The following CACHD1 variants were observed in gnomAD, a reference collection of about 807,000 sequenced individuals.
CACHD1 encodes the protein cache domain containing 1, also known as VWFA and cache domain-containing protein 1.
Under a neutral mutation model 138.7 loss-of-function variants are expected in CACHD1, and 71 were observed. The ratio of observed to expected loss-of-function variants is 0.51; its 90% CI spans 0.42 to 0.62. The LOEUF (loss-of-function observed/expected upper bound fraction) is 0.62. Ranked by LOEUF, CACHD1 falls within the 20% of genes least tolerant of loss-of-function variation. The probability of loss-of-function intolerance (pLI) is 0.00; values close to 1 mark genes in which losing one functional copy is unlikely to be tolerated. For missense variants in CACHD1, 1,389 were observed against 1,625.3 expected, an observed-to-expected ratio of 0.85 and a Z score of 2.50; for synonymous variants, 578 against 591.5, an observed-to-expected ratio of 0.98 and a Z score of 0.33.
At chr1:64,489,813 G>A (rs1260217637) in intron 1 of CACHD1, among the ~76,000 whole-genome samples, 1 of 152,192 alleles carries the variant, frequency 6.6e-6, no homozygotes, top group Non-Finnish European at 1.5e-5. Context: ...AGAGTCCTGG[G>A]TGTGTGGGGA....
At chr1:64,689,918 A>ATTATCT (rs761759579) in intron 26 of CACHD1, among the ~76,000 whole-genome samples, 1 of 152,174 alleles carries the variant, frequency 6.6e-6, no homozygotes, top group Non-Finnish European at 1.5e-5. Flanking sequence ...AGCACTTACC[A>ATTATCT]TTATCTGTGT....
chr1:64,634,374 GTATGTATT>G lies in CACHD1; in HGVS notation c.1006+118_1006+125del, dbSNP rs112905341. The G allele has an allele frequency of 1.4e-4, 37 of 259,842 alleles. 6 individuals carry two copies. The highest frequency in any genetic ancestry group is 9.4e-4 in the South Asian group (9 of 9,524). The allele number at this position is 259,842 out of a possible 1,614,324, so 16.1% of individuals were successfully genotyped here. On this transcript the variant is annotated intron_variant, in intron 7 of 26. Coordinates refer to ENST00000651257, the MANE Select transcript of CACHD1 (RefSeq NM_020925.4). ...AGAGAGATTTTATTTATTTATTTAT[GTATGTATT>G]TATTTATTTATTTATTTACCTTGAG...
chr1:64,543,238 A>G (rs926266952), intron 1 of CACHD1, among the ~76,000 whole-genome samples: 11 of 151,578 alleles, frequency 7.3e-5, no homozygotes, highest in Admixed American at 4.6e-4. Flanking sequence ...ACCTGTATCC[A>G]AAATGAACAA....
chr1:64,665,999 C>T (rs1649619278), intron 15 of CACHD1, 58 bp from the exon 16 acceptor site: 2 of 1,017,764 alleles, frequency 2.0e-6, no homozygotes, highest in Non-Finnish European at 2.9e-6. Context: ...AGCAAGACTC[C>T]ATCTCAAAAA....
At chr1:64,550,710 G>C in intron 2 of CACHD1, 54 bp downstream of exon 2, 1 of 1,242,164 alleles carries the variant, frequency 8.1e-7, no homozygotes, top group Non-Finnish European at 1.2e-6. Context: ...TTTTAGATGT[G>C]GCTTCGTCAC....
chr1:64,553,850 T>C (rs1326583011), intron 2 of CACHD1, among the ~76,000 whole-genome samples: 1 of 152,224 alleles, frequency 6.6e-6, no homozygotes, highest in Non-Finnish European at 1.5e-5. Context: ...TTTATATAAA[T>C]TTTAAGCATA....
At chr1:64,540,323 GGGTGGAGGC>G (rs953211272) in intron 1 of CACHD1, among the ~76,000 whole-genome samples, 1 of 152,098 alleles carries the variant, frequency 6.6e-6, no homozygotes, top group Non-Finnish European at 1.5e-5. Context: ...TAGGGGGTAG[GGGTGGAGGC>G]GTTTGGTGTT....
intron 1 of CACHD1, among the ~76,000 whole-genome samples, chr1:64,536,137 A>G (rs891620285): frequency 6.6e-6 from 1 of 152,172 alleles, no homozygotes; most frequent in African/African-American, 2.4e-5. Context: ...ACATGATCTA[A>G]TTTTAGAACA....
intron 1 of CACHD1, among the ~76,000 whole-genome samples, chr1:64,480,768 A>T (rs1484201210): frequency 6.6e-6 from 1 of 152,154 alleles, no homozygotes; most frequent in Admixed American, 6.5e-5. Context: ...AAAGCCACAG[A>T]AGAAAATTCC....
intron 1 of CACHD1, among the ~76,000 whole-genome samples, chr1:64,475,750 A>G (rs1646171350): frequency 6.6e-6 from 1 of 151,932 alleles, no homozygotes; most frequent in Non-Finnish European, 1.5e-5. Context: ...GGGTTTCACC[A>G]TGTTAGCCAG....
chr1:64,668,326 C>CA (rs531925361), intron 16 of CACHD1, among the ~76,000 whole-genome samples: 1,647 of 87,458 alleles, frequency 0.019, 13 homozygotes, highest in Non-Finnish European at 0.026. Flanking sequence ...GACTGCATCT[C>CA]AAAAAAAAAA....
chr1:64,619,341 T>G (rs933547485), intron 4 of CACHD1, among the ~76,000 whole-genome samples: 4 of 152,228 alleles, frequency 2.6e-5, no homozygotes, highest in Non-Finnish European at 4.4e-5. Context: ...GTTTGTGTGC[T>G]GTGGCTGAAG....
At chr1:64,623,035 T>A (rs1380772396) in intron 4 of CACHD1, among the ~76,000 whole-genome samples, 2 of 152,172 alleles carry the variant, frequency 1.3e-5, no homozygotes, top group African/African-American at 4.8e-5. Flanking sequence ...GAAGGGAGTG[T>A]CTAGGTTTTA....
chr1:64,632,256 G>GAA (rs55924104), intron 5 of CACHD1, among the ~76,000 whole-genome samples: 7,158 of 129,204 alleles, frequency 0.055, 244 homozygotes, highest in Admixed American at 0.12. Flanking sequence ...GCTTTTTTCT[G>GAA]AAAAAAAAAA....
chr1:64,507,516 C>T (rs1267481179), intron 1 of CACHD1, among the ~76,000 whole-genome samples: 1 of 152,158 alleles, frequency 6.6e-6, no homozygotes, highest in African/African-American at 2.4e-5. Flanking sequence ...GTAAAAAGAA[C>T]ATCTTGCATA....
At chr1:64,578,622 C>A (rs28507221) in intron 2 of CACHD1, among the ~76,000 whole-genome samples, 2 of 152,120 alleles carry the variant, frequency 1.3e-5, no homozygotes, top group African/African-American at 4.8e-5. Context: ...CATCAAGGGG[C>A]TACTCTGGGG....
intron 1 of CACHD1, among the ~76,000 whole-genome samples, chr1:64,500,111 A>T (rs1184187074): frequency 6.6e-6 from 1 of 152,180 alleles, no homozygotes; most frequent in African/African-American, 2.4e-5. Flanking sequence ...GATTTGCCTC[A>T]AGAGGGCAAG....
chr1:64,634,765 C>G (rs1009181778), intron 7 of CACHD1, among the ~76,000 whole-genome samples: 2 of 151,972 alleles, frequency 1.3e-5, no homozygotes, highest in Non-Finnish European at 2.9e-5. Flanking sequence ...GAGGTCAAGG[C>G]AGGCGGATCA....
intron 1 of CACHD1, among the ~76,000 whole-genome samples, chr1:64,472,859 C>T (rs1328735635): frequency 2.0e-5 from 3 of 151,800 alleles, no homozygotes; most frequent in Non-Finnish European, 2.9e-5. Context: ...CCCCCTATCC[C>T]GCCCCCCCAC....
Sources: gnomAD v4.1 joint callset for allele counts (sites outside exome capture counted in the v4.1 genomes callset) on GRCh38, gnomAD v4.1.1 for gene constraint, MANE v1.5 for transcripts, NCBI Gene and HGNC (gene_info 2026-07-23, HGNC 2026-07-21) for gene names.